Variants in RNF217 observed in about 807,000 individuals in gnomAD.
RNF217 encodes the protein ring finger protein 217, also known as E3 ubiquitin-protein ligase RNF217.
Under a neutral mutation model 57.8 loss-of-function variants are expected in RNF217, and 31 were observed. That is an observed-to-expected ratio of 0.54 (90% confidence interval 0.40 to 0.72). The LOEUF (loss-of-function observed/expected upper bound fraction) is 0.72. Among genes scored for constraint, RNF217 ranks in the 30% least tolerant of loss-of-function variants. The pLI is 0.00. For synonymous variants in RNF217, 313 were observed against 294.0 expected, an observed-to-expected ratio of 1.06 and a Z score of -0.66; for missense variants, 696 against 708.3, an observed-to-expected ratio of 0.98 and a Z score of 0.20.
chr6:125,060,726 T>G (rs553193878), intron 3 of RNF217, among the ~76,000 whole-genome samples: 2 of 152,284 alleles, frequency 1.3e-5, no homozygotes. Context: ...ATTACAGGTA[T>G]GAGCCACCAC....
chr6:124,985,012 T>G (rs896573919), intron 1 of RNF217, among the ~76,000 whole-genome samples: 11 of 152,180 alleles, frequency 7.2e-5, no homozygotes, highest in Non-Finnish European at 1.3e-4. Context: ...AATGCAAAGT[T>G]TAATGACATT....
At chr6:124,991,514 G>A (rs1380013513) in intron 1 of RNF217, among the ~76,000 whole-genome samples, 2 of 152,158 alleles carry the variant, frequency 1.3e-5, no homozygotes, top group Non-Finnish European at 1.5e-5. Context: ...TAATAATGAT[G>A]TGTTTTATTT....
rs1316009834 is a variant in RNF217 at position 125,058,009 on chromosome 6, A to G, written c.1184A>G (p.Asn395Ser). The G allele has an allele frequency of 1.2e-6, 2 of 1,613,422 alleles. No homozygotes were observed. The highest frequency in any genetic ancestry group is 2.2e-5 in the South Asian group (2 of 90,988). The change falls in exon 3 of 6, where the codon AAC (asparagine) becomes AGC (serine). Residue 395 changes from asparagine (N) to serine (S), a missense_variant. Physicochemically the swap from Asn to Ser is conservative, Grantham distance 46 (BLOSUM62 1). Coordinates refer to ENST00000521654, the MANE Select transcript of RNF217 (RefSeq NM_001286398.3). ...KCHSPWHEGV[N>S]CKEYKKGDKL... ...CACTCTCCTTGGCATGAAGGTGTTA[A>G]CTGCAAGGAGTACAAAAAAGGAGAC...
At chr6:125,043,392 C>T (rs1031006856) in intron 1 of RNF217, among the ~76,000 whole-genome samples, 12 of 151,892 alleles carry the variant, frequency 7.9e-5, no homozygotes, top group Non-Finnish European at 1.5e-4. Flanking sequence ...TCTTCTGATC[C>T]CCCCAGGTCT....
chr6:125,045,034 T>C (rs755703637), intron 1 of RNF217, among the ~76,000 whole-genome samples, 177 bp from the exon 2 acceptor site: 2 of 152,110 alleles, frequency 1.3e-5, no homozygotes, highest in Non-Finnish European at 2.9e-5. Flanking sequence ...ACGTAGTGAT[T>C]ATTTTGGTAT....
chr6:125,010,621 C>T (rs146454602), intron 1 of RNF217, among the ~76,000 whole-genome samples: 170 of 152,196 alleles, frequency 1.1e-3, no homozygotes, highest in Non-Finnish European at 2.1e-3. Context: ...AAAAATAGTT[C>T]GTTGTGTTAA....
intron 2 of RNF217, among the ~76,000 whole-genome samples, chr6:125,056,769 A>T (rs1787539029): frequency 6.6e-6 from 1 of 152,216 alleles, no homozygotes; most frequent in Non-Finnish European, 1.5e-5. Flanking sequence ...CATTTTATTA[A>T]TCCATTGTAA....
At chr6:125,009,675 T>C (rs2114346932) in intron 1 of RNF217, among the ~76,000 whole-genome samples, 1 of 152,212 alleles carries the variant, frequency 6.6e-6, no homozygotes, top group South Asian at 2.1e-4. Context: ...CTCTGTTGTA[T>C]GATCCCTCTA....
intron 1 of RNF217, among the ~76,000 whole-genome samples, chr6:124,963,726 A>G (rs1383572373): frequency 1.3e-5 from 2 of 152,362 alleles, no homozygotes; most frequent in East Asian, 3.9e-4. Flanking sequence ...AGCTTGCTCA[A>G]AGGAGGAGAG....
chr6:125,028,199 G>A (rs545902113), intron 1 of RNF217, among the ~76,000 whole-genome samples: 29 of 152,086 alleles, frequency 1.9e-4, no homozygotes, highest in African/African-American at 7.0e-4. Context: ...GATATAGTTT[G>A]TTAGTTTATC....
At chr6:125,047,502 G>A (rs77026276) in intron 2 of RNF217, among the ~76,000 whole-genome samples, 4,837 of 152,080 alleles carry the variant, frequency 0.032, 89 homozygotes, top group Middle Eastern at 0.061. Context: ...ATTTCCCAGA[G>A]GTCAGGCTTC....
In RNF217 at chr6:125,085,472, G is replaced by T. The variant is rs1167388094; in HGVS notation, c.*2535G>T. ...CTAAGTTTCATCAAGATCTTAAAAA[G>T]AGAGAAGAAAATAAAAAGTATTATT... is the stretch of plus-strand genomic sequence containing the variant. On this transcript the variant is annotated 3_prime_UTR_variant, in exon 6 of 6. Transcript: ENST00000521654. 2.6e-5 allele frequency: 4 copies of T among 151,776 alleles called. No homozygotes were observed. The highest frequency in any genetic ancestry group is 9.7e-5 in the African/African-American group (4 of 41,374). The allele number at this position is 151,776 out of a possible 1,614,324, so 9.4% of individuals were successfully genotyped here. A position where few individuals can be genotyped will look rare whatever the true frequency, so the allele number is the denominator to read the frequency against.
At chr6:125,013,683 T>G (rs534967588) in intron 1 of RNF217, among the ~76,000 whole-genome samples, 1 of 152,220 alleles carries the variant, frequency 6.6e-6, no homozygotes. Flanking sequence ...TCTGAGAAAA[T>G]GGATATATAA....
chr6:125,017,379 G>T (rs1397645937), intron 1 of RNF217, among the ~76,000 whole-genome samples: 2 of 152,168 alleles, frequency 1.3e-5, no homozygotes, highest in Non-Finnish European at 2.9e-5. Flanking sequence ...TTTTGAATCA[G>T]CAGTATTAGC....
chr6:125,084,764 G>C lies in RNF217; in HGVS notation c.*1827G>C, dbSNP rs189673098. 6.6e-6 allele frequency: 1 copy of C among 151,876 alleles called. No homozygotes were observed. Among genetic ancestry groups the C allele is most frequent in the Non-Finnish European group, 1.5e-5 (1 of 67,826 alleles). 9.4% of individuals were successfully genotyped at this position (151,876 alleles called of 1,614,324 possible). The stretch of plus-strand genomic sequence containing the variant: ...GGTTTGGGAATAGCATATTTCTAAA[G>C]CATAATATAATACAAGAAATAGTGA... On this transcript the variant is annotated 3_prime_UTR_variant, in exon 6 of 6. Coordinates refer to ENST00000521654, the MANE Select transcript of RNF217 (RefSeq NM_001286398.3).
intron 1 of RNF217, among the ~76,000 whole-genome samples, chr6:124,970,577 A>C (rs771364082): frequency 6.6e-5 from 10 of 152,214 alleles, no homozygotes; most frequent in Non-Finnish European, 8.8e-5. Flanking sequence ...TTGAGTAGGC[A>C]GTTGGCGTCT....
chr6:125,074,463 A>G (rs1264650611), intron 3 of RNF217, among the ~76,000 whole-genome samples: 1 of 152,142 alleles, frequency 6.6e-6, no homozygotes, highest in Non-Finnish European at 1.5e-5. Context: ...TTCTTTTGAA[A>G]TTCATATTGT....
At chr6:125,009,288 G>A (rs1303910116) in intron 1 of RNF217, 3 of 1,578,696 alleles carry the variant, frequency 1.9e-6, no homozygotes, top group Non-Finnish European at 2.6e-6. Context: ...TGAAGGTAAA[G>A]TACATAGATG....
At chr6:125,054,677 A>C (rs1027617847) in intron 2 of RNF217, among the ~76,000 whole-genome samples, 1 of 152,230 alleles carries the variant, frequency 6.6e-6, no homozygotes, top group Non-Finnish European at 1.5e-5. Context: ...TTAGGGACTC[A>C]TTCCTGGTCC....
Sources: allele counts gnomAD v4.1 joint callset (sites outside exome capture counted in the v4.1 genomes callset), GRCh38; gene constraint gnomAD v4.1.1; transcripts MANE v1.5; gene names NCBI Gene and HGNC (gene_info 2026-07-23, HGNC 2026-07-21).